The following CELF2 variants were observed in gnomAD, a reference collection of about 807,000 sequenced individuals.
The protein encoded by CELF2 is CUGBP Elav-like family member 2.
CELF2 carries 8 observed loss-of-function variants against 62.6 expected under a neutral mutation model. The observed-to-expected ratio is 0.13, with a 90% CI of 0.07 to 0.23. CELF2 has a LOEUF of 0.23. Ranked by LOEUF, CELF2 falls within the 10% of genes least tolerant of loss-of-function variation. The probability of loss-of-function intolerance (pLI) is 1.00; values close to 1 mark genes in which losing one functional copy is unlikely to be tolerated. For missense variants in CELF2, 333 were observed against 671.0 expected (o/e 0.50, Z 5.56); for synonymous variants, 258 against 250.0 (o/e 1.03, Z -0.30).
the CELF2 span, among the ~76,000 whole-genome samples, chr10:10,769,288 G>T: frequency 0.074 from 11,261 of 152,102 alleles, 470 homozygotes; most frequent in African/African-American, 0.091. Flanking sequence ...GTAGAGATTG[G>T]TCCATCAATG....
At chr10:10,978,304 C>T (rs2051611050) in intron 2 of CELF2, among the ~76,000 whole-genome samples, 1 of 152,118 alleles carries the variant, frequency 6.6e-6, no homozygotes, top group Non-Finnish European at 1.5e-5. Flanking sequence ...TTTGCTGCCT[C>T]TTACAGTTCT....
chr10:10,755,605 G>A, the CELF2 span, among the ~76,000 whole-genome samples: 1 of 152,300 alleles, frequency 6.6e-6, no homozygotes, highest in South Asian at 2.1e-4. Flanking sequence ...AAAGGGAAAA[G>A]AGAAAGAGAC....
chr10:11,286,095 A>G (rs1470455758), intron 8 of CELF2, among the ~76,000 whole-genome samples: 6 of 152,204 alleles, frequency 3.9e-5, no homozygotes, highest in African/African-American at 1.2e-4. Flanking sequence ...AGGCTATGGG[A>G]TGGGGCAGAA....
the CELF2 span, among the ~76,000 whole-genome samples, chr10:10,714,455 T>C: frequency 6.6e-6 from 1 of 152,102 alleles, no homozygotes; most frequent in East Asian, 1.9e-4. Flanking sequence ...CGGCTAGACA[T>C]GTTTAGCTTC....
chr10:10,605,920 A>G, the CELF2 span, among the ~76,000 whole-genome samples: 1 of 152,356 alleles, frequency 6.6e-6, no homozygotes, highest in Non-Finnish European at 1.5e-5. Flanking sequence ...TCACGAGCCA[A>G]GAAGCATTTG....
At chr10:11,201,851 A>T (rs1319636831) in intron 2 of CELF2, among the ~76,000 whole-genome samples, 1 of 152,144 alleles carries the variant, frequency 6.6e-6, no homozygotes, top group Non-Finnish European at 1.5e-5. Flanking sequence ...AACATTTGGG[A>T]AATGCTATTG....
chr10:11,275,587 C>A (rs1169596027), intron 8 of CELF2, among the ~76,000 whole-genome samples: 1 of 152,032 alleles, frequency 6.6e-6, no homozygotes, highest in East Asian at 1.9e-4. Flanking sequence ...AGTTTGCAGC[C>A]CCTTGATAAC....
intron 2 of CELF2, chr10:10,927,229 A>G (rs896634283): frequency 6.6e-6 from 1 of 150,580 alleles, no homozygotes; most frequent in Non-Finnish European, 1.5e-5. Context: ...TGCTAATGTG[A>G]CTCTCTATGT....
chr10:11,233,704 C>T (rs1219035094), intron 3 of CELF2, among the ~76,000 whole-genome samples: 1 of 152,230 alleles, frequency 6.6e-6, no homozygotes, highest in Non-Finnish European at 1.5e-5. Flanking sequence ...TACACTTCAC[C>T]TTTCTAACCC....
intron 3 of CELF2, among the ~76,000 whole-genome samples, chr10:11,235,908 A>G (rs1313783627): frequency 6.6e-6 from 1 of 152,168 alleles, no homozygotes; most frequent in African/African-American, 2.4e-5. Context: ...TACCCTAGTT[A>G]TGTTTTCATT....
At chr10:10,491,234 C>T in the CELF2 span, among the ~76,000 whole-genome samples, 1 of 152,164 alleles carries the variant, frequency 6.6e-6, no homozygotes, top group African/African-American at 2.4e-5. Context: ...ACATTAAAAT[C>T]TATTCAATAT....
chr10:10,627,943 C>G, the CELF2 span, among the ~76,000 whole-genome samples: 2 of 152,168 alleles, frequency 1.3e-5, no homozygotes, highest in African/African-American at 4.8e-5. Context: ...CGCTCTGTCA[C>G]CCAGGCTGGA....
chr10:11,103,985 AGTTCT>A (rs2052627195), intron 1 of CELF2, among the ~76,000 whole-genome samples: 1 of 151,692 alleles, frequency 6.6e-6, no homozygotes, highest in Non-Finnish European at 1.5e-5. Flanking sequence ...ATTTATGGTC[AGTTCT>A]GTTTTTATTC....
At chr10:11,033,546 C>T (rs2060480248) in intron 1 of CELF2, among the ~76,000 whole-genome samples, 1 of 152,216 alleles carries the variant, frequency 6.6e-6, no homozygotes, top group South Asian at 2.1e-4. Context: ...CGTAAGCCAC[C>T]ATGCCTGGCC....
At chr10:10,571,424 C>T in the CELF2 span, among the ~76,000 whole-genome samples, 1 of 152,092 alleles carries the variant, frequency 6.6e-6, no homozygotes, top group African/African-American at 2.4e-5. Context: ...CATCCAATCG[C>T]CCAAATAATA....
the CELF2 span, among the ~76,000 whole-genome samples, chr10:10,517,631 G>A: frequency 6.6e-6 from 1 of 152,164 alleles, no homozygotes; most frequent in Non-Finnish European, 1.5e-5. Flanking sequence ...TCAGGTCTTA[G>A]GAGGCAATTT....
At chr10:10,762,488 T>C in the CELF2 span, among the ~76,000 whole-genome samples, 1 of 152,148 alleles carries the variant, frequency 6.6e-6, no homozygotes, top group South Asian at 2.1e-4. Flanking sequence ...AGTAGATTAA[T>C]AGAGACACCC....
At chr10:11,143,086 C>A (rs1276253903) in intron 1 of CELF2, among the ~76,000 whole-genome samples, 3 of 152,164 alleles carry the variant, frequency 2.0e-5, no homozygotes, top group Admixed American at 6.5e-5. Flanking sequence ...TTCTGTCCTC[C>A]CTCCACTGGG....
chr10:11,202,115 G>C (rs1047399920), intron 2 of CELF2, among the ~76,000 whole-genome samples: 1 of 152,080 alleles, frequency 6.6e-6, no homozygotes, highest in South Asian at 2.1e-4. Context: ...AGTTGACCAA[G>C]TTTACGACTC....
Sources: gnomAD v4.1 joint callset for allele counts (sites outside exome capture counted in the v4.1 genomes callset) on GRCh38, gnomAD v4.1.1 for gene constraint, MANE v1.5 for transcripts, NCBI Gene and HGNC (gene_info 2026-07-23, HGNC 2026-07-21) for gene names.